COL4A2: variants seen among roughly 807,000 people sequenced by gnomAD.
The protein encoded by COL4A2 is collagen type IV alpha 2 chain.
Under a neutral mutation model 200.2 loss-of-function variants are expected in COL4A2, and 99 were observed. The observed-to-expected ratio is 0.49, with a 90% CI of 0.42 to 0.58. The LOEUF is 0.58. Among genes scored for constraint, COL4A2 ranks in the 20% least tolerant of loss-of-function variants. COL4A2 has a pLI of 0.00. For synonymous variants in COL4A2, 897 were observed against 900.6 expected, an observed-to-expected ratio of 1.00 and a Z score of 0.07; for missense variants, 1,950 against 2,314.1, an observed-to-expected ratio of 0.84 and a Z score of 3.23.
chr13:110,428,064 C>T (rs1468128629), intron 6 of COL4A2, among the ~76,000 whole-genome samples: 5 of 151,630 alleles, frequency 3.3e-5, no homozygotes, highest in Admixed American at 3.3e-4. Flanking sequence ...TAAAATGTAC[C>T]TTTACTTGTT....
At chr13:110,414,239 G>A (rs906564904) in intron 4 of COL4A2, among the ~76,000 whole-genome samples, 10 of 152,198 alleles carry the variant, frequency 6.6e-5, no homozygotes, top group African/African-American at 1.9e-4. Context: ...ATGCTGGGGC[G>A]TTCACACTCG....
At chr13:110,497,452 A>C (rs1389260924) in intron 40 of COL4A2, among the ~76,000 whole-genome samples, 1 of 151,116 alleles carries the variant, frequency 6.6e-6, no homozygotes, top group Non-Finnish European at 1.5e-5. Context: ...AGGACTGAGG[A>C]TCTAGGTCAG....
rs190083314 is a variant in COL4A2 at position 110,346,496 on chromosome 13, A to G, written c.100-10976A>G. 2.0e-4 allele frequency among the ~76,000 whole-genome samples: 31 copies of G among 152,320 alleles called. No individual in the cohort carries two copies. In the East Asian group the frequency reaches 5.6e-3, roughly 28 times the overall value. ...GCCCCAGAACTCTAGTGACCAAGAC[A>G]TTCGAAGACAGGCAAGGAAACCTTC... On this transcript the variant is annotated intron_variant, in intron 3 of 47. Coordinates refer to ENST00000360467, the MANE Select transcript of COL4A2 (RefSeq NM_001846.4).
chr13:110,428,393 C>T (rs1167643851), intron 6 of COL4A2, 74 bp from the exon 7 acceptor site: 1 of 851,880 alleles, frequency 1.2e-6, no homozygotes, highest in Non-Finnish European at 1.9e-6. Context: ...GAATATAAGA[C>T]TGTTTTATCT....
At chr13:110,379,101 G>A (rs572482655) in intron 4 of COL4A2, among the ~76,000 whole-genome samples, 1 of 152,222 alleles carries the variant, frequency 6.6e-6, no homozygotes, top group Admixed American at 6.5e-5. Flanking sequence ...CTGCACCAGG[G>A]CTTCTTGAAA....
chr13:110,337,106 G>A (rs1000223752), intron 3 of COL4A2, among the ~76,000 whole-genome samples: 1 of 152,216 alleles, frequency 6.6e-6, no homozygotes, highest in Non-Finnish European at 1.5e-5. Flanking sequence ...ATGCTGTTTT[G>A]TACACGTAGG....
chr13:110,438,311 T>C (rs1290059416), intron 14 of COL4A2, among the ~76,000 whole-genome samples: 1 of 152,216 alleles, frequency 6.6e-6, no homozygotes, highest in Admixed American at 6.5e-5. Context: ...TGGCTTCCAC[T>C]CAGGCGCCAC....
intron 3 of COL4A2, among the ~76,000 whole-genome samples, chr13:110,347,908 C>T (rs913617267): frequency 3.9e-5 from 6 of 152,220 alleles, no homozygotes; most frequent in African/African-American, 9.6e-5. Flanking sequence ...GGGAGGGCAC[C>T]GAACGTCATG....
intron 34 of COL4A2, among the ~76,000 whole-genome samples, chr13:110,486,711 TA>T (rs1162817164): frequency 4.0e-5 from 6 of 151,250 alleles, no homozygotes; most frequent in Admixed American, 6.6e-5. Flanking sequence ...CGAAGGGAGA[TA>T]GGGGTGGGGC....
At chr13:110,418,098 A>C (rs553901823) in intron 4 of COL4A2, among the ~76,000 whole-genome samples, 1 of 152,246 alleles carries the variant, frequency 6.6e-6, no homozygotes, top group African/African-American at 2.4e-5. Flanking sequence ...TCACAGTTAT[A>C]TCTCTCTGTG....
chr13:110,432,365 G>A lies in COL4A2; in HGVS notation c.684+5G>A. On this transcript the variant is annotated splice_donor_5th_base_variant and intron_variant, in intron 11 of 47. Transcript: ENST00000360467. ...CCTGGACCAAAAGGACAGCAAGTAA[G>A]TTGGTTTTGGGGGGTGAGGATGAGG... 1.2e-6 allele frequency: 2 copies of A among 1,607,588 alleles called. No individual in the cohort carries two copies. Among genetic ancestry groups the A allele is most frequent in the Non-Finnish European group, 8.5e-7 (1 of 1,177,084 alleles).
chr13:110,458,073 G>A (rs1458586375), intron 21 of COL4A2: 1 of 462,542 alleles, frequency 2.2e-6, no homozygotes, highest in Non-Finnish European at 4.5e-6. Flanking sequence ...AACATGGGGA[G>A]CACTTCCTGG....
At chr13:110,334,302 G>C (rs1489629591) in intron 3 of COL4A2, among the ~76,000 whole-genome samples, 1 of 152,218 alleles carries the variant, frequency 6.6e-6, no homozygotes, top group East Asian at 1.9e-4. Flanking sequence ...TGTTTATCAA[G>C]CACAGCAGAT....
chr13:110,480,092 A>G lies in COL4A2; in HGVS notation c.2588-128A>G, dbSNP rs953715224. 3.4e-5 allele frequency: 36 copies of G among 1,060,432 alleles called. No homozygotes were observed. The African/African-American group carries it at 4.9e-4, about 15-fold the overall frequency. The allele number at this position is 1,060,432 out of a possible 1,614,324, so 65.7% of individuals were successfully genotyped here. On this transcript the variant is annotated intron_variant, in intron 30 of 47. Transcript: ENST00000360467. The stretch of plus-strand genomic sequence containing the variant: ...GGCCACACTTTGGAAACTCACCCCA[A>G]CATGGTGGTTTTCCACTTTCCTTCT...
intron 3 of COL4A2, among the ~76,000 whole-genome samples, chr13:110,342,395 G>C (rs535230079): frequency 6.6e-6 from 1 of 152,182 alleles, no homozygotes; most frequent in South Asian, 2.1e-4. Flanking sequence ...TCCATAAAGA[G>C]CAATCTCCTT....
chr13:110,502,158 A>G (rs747039562), intron 41 of COL4A2, among the ~76,000 whole-genome samples: 214 of 152,230 alleles, frequency 1.4e-3, no homozygotes, highest in Non-Finnish European at 2.5e-3. Flanking sequence ...CGTAAAGATG[A>G]AGTCACCCGT....
At chr13:110,491,190 G>T in intron 36 of COL4A2, 43 bp from the exon 37 acceptor site, 1 of 1,407,944 alleles carries the variant, frequency 7.1e-7, no homozygotes, top group Non-Finnish European at 9.9e-7. Flanking sequence ...ACCCACAGGG[G>T]CGCGGTGTCT....
Position 110,315,756 on chromosome 13 carries a change from C to T in COL4A2, c.99+7633C>T, listed in dbSNP as rs189223072. On this transcript the variant is annotated intron_variant, in intron 3 of 47. Transcript: ENST00000360467. ...TAGCTGACATTGCTGTTCCCACAGT[C>T]CAAGTTCAGGGCATCTTGCATCGGC... 2.6e-5 allele frequency among the ~76,000 whole-genome samples: 4 copies of T among 152,316 alleles called. No homozygotes were observed. The East Asian group carries it at 7.7e-4, about 29-fold the overall frequency.
chr13:110,423,627 C>T (rs1192007279), intron 4 of COL4A2, among the ~76,000 whole-genome samples: 7 of 152,190 alleles, frequency 4.6e-5, no homozygotes, highest in African/African-American at 1.7e-4. Context: ...AGTTCTTTCA[C>T]GTTGTTGTGC....
Sources: gnomAD v4.1 joint callset for allele counts (sites outside exome capture counted in the v4.1 genomes callset) on GRCh38, gnomAD v4.1.1 for gene constraint, MANE v1.5 for transcripts, NCBI Gene and HGNC (gene_info 2026-07-23, HGNC 2026-07-21) for gene names.